The following DEK variants were observed in gnomAD, a reference collection of about 807,000 sequenced individuals.
The protein encoded by DEK is protein DEK.
In DEK, 28 loss-of-function variants were observed where a neutral mutation model predicts 46.8. The ratio of observed to expected loss-of-function variants is 0.60; its 90% confidence interval spans 0.44 to 0.82. DEK has a LOEUF of 0.82. Ranked by LOEUF, DEK falls within the 40% of genes least tolerant of loss-of-function variation. The probability of loss-of-function intolerance (pLI) is 0.00; values close to 1 mark genes in which losing one functional copy is unlikely to be tolerated. For missense variants in DEK, 416 were observed against 430.6 expected (o/e 0.97, Z 0.30); for synonymous variants, 160 against 144.5 (o/e 1.11, Z -0.77).
chr6:18,247,767 G>A (rs1055587259), intron 7 of DEK, among the ~76,000 whole-genome samples: 3 of 152,028 alleles, frequency 2.0e-5, no homozygotes, highest in Non-Finnish European at 2.9e-5. Context: ...TGCCTCCCCG[G>A]TTCAAGCAAT....
intron 7 of DEK, among the ~76,000 whole-genome samples, chr6:18,238,414 A>C (rs1582266485): frequency 6.6e-6 from 1 of 151,882 alleles, no homozygotes; most frequent in East Asian, 2.0e-4. Flanking sequence ...GATTAAAATG[A>C]CAGGCCAGGC....
At chr6:18,248,925 G>A (rs1791240597) in intron 7 of DEK, among the ~76,000 whole-genome samples, 2 of 152,186 alleles carry the variant, frequency 1.3e-5, no homozygotes, top group South Asian at 2.1e-4. Context: ...TATAGAGCAA[G>A]TTCCAACCTT....
At chr6:18,251,589 A>C (rs1791376655) in intron 6 of DEK, among the ~76,000 whole-genome samples, 1 of 152,230 alleles carries the variant, frequency 6.6e-6, no homozygotes, top group Non-Finnish European at 1.5e-5. Context: ...TCTCTATAAG[A>C]AATCGTGAAT....
Position 18,225,686 on chromosome 6 carries a change from T to C in DEK, c.*33A>G. 6.2e-7 allele frequency: 1 copy of C among 1,609,290 alleles called. No homozygotes were observed. The highest frequency in any genetic ancestry group is 8.5e-7 in the Non-Finnish European group (1 of 1,177,064). On this transcript the variant is annotated 3_prime_UTR_variant, in exon 11 of 11. Transcript: ENST00000652689. ...ATGGTATAAATCAGATCTTCAAATC[T>C]ATGGGAACGAGTCATCTTCTCTGTC...
At chr6:18,263,455 T>C (rs1391720028) in intron 2 of DEK, among the ~76,000 whole-genome samples, 1 of 151,820 alleles carries the variant, frequency 6.6e-6, no homozygotes, top group Non-Finnish European at 1.5e-5. Flanking sequence ...AGGCAAAAGA[T>C]GTGTAATGAA....
intron 6 of DEK, among the ~76,000 whole-genome samples, chr6:18,250,050 C>T (rs983825449): frequency 4.5e-4 from 68 of 152,272 alleles, no homozygotes; most frequent in African/African-American, 1.5e-3. Flanking sequence ...CTAGCAAGAC[C>T]CTTCTCAATT....
At chr6:18,256,713 A>T (rs563468737) in intron 4 of DEK, among the ~76,000 whole-genome samples, 1 of 152,350 alleles carries the variant, frequency 6.6e-6, no homozygotes, top group African/African-American at 2.4e-5. Flanking sequence ...AATTTGAACA[A>T]ATTTTCACTG....
chr6:18,258,120 G>A, intron 3 of DEK, 58 bp from the exon 4 acceptor site: 3 of 1,284,076 alleles, frequency 2.3e-6, no homozygotes, highest in South Asian at 1.4e-5. Flanking sequence ...CATTTACAAA[G>A]TTAATTTAAT....
chr6:18,257,965 G>A lies in DEK; in HGVS notation c.345C>T (p.Asn115=). ...AAAAAGGTCTTACAGTGCCTGGCCT[G>A]TTGTAAAGCAGTTTGTGTAGATTTC... The part of the protein sequence containing the change: ...ELRNLHKLLY[N]RPGTVSSLKK... The change falls in exon 4 of 11, where the codon AAC becomes AAT. Residue 115 remains asparagine (N), a synonymous_variant. Transcript: ENST00000652689. The A allele has an allele frequency of 6.2e-7, 1 of 1,607,308 alleles. No homozygotes were observed. Among genetic ancestry groups the A allele is most frequent in the Non-Finnish European group, 8.5e-7 (1 of 1,177,800 alleles).
intron 8 of DEK, 59 bp downstream of exon 8, chr6:18,237,322 C>A: frequency 1.3e-6 from 2 of 1,539,562 alleles, no homozygotes; most frequent in African/African-American, 1.4e-5. Flanking sequence ...ATACTATGTA[C>A]AACATATTAA....
At chr6:18,251,543 G>T (rs1008610923) in intron 6 of DEK, among the ~76,000 whole-genome samples, 1 of 152,224 alleles carries the variant, frequency 6.6e-6, no homozygotes, top group South Asian at 2.1e-4. Context: ...CCAGGAACTT[G>T]AAGTTGGTGG....
At chr6:18,259,605 G>A (rs1054143203) in intron 2 of DEK, among the ~76,000 whole-genome samples, 2 of 151,810 alleles carry the variant, frequency 1.3e-5, no homozygotes, top group Admixed American at 6.6e-5. Flanking sequence ...ATACTAAGAG[G>A]GGATAAATGG....
chr6:18,255,720 T>C lies in DEK; in HGVS notation c.573+11A>G, dbSNP rs776094906. On this transcript the variant is annotated intron_variant, in intron 6 of 10. Coordinates refer to ENST00000652689, the MANE Select transcript of DEK (RefSeq NM_003472.4). ...AACTGATTTATGAAAAAAATAAAAA[T>C]TGATCCTCACTTTGCCAGAAGGCTT... The C allele has an allele frequency of 3.8e-6, 6 of 1,581,824 alleles. No individual in the cohort carries two copies. In the East Asian group the frequency reaches 6.7e-5, roughly 18 times the overall value.
chr6:18,231,230 G>A (rs1343967764), intron 9 of DEK, among the ~76,000 whole-genome samples: 1 of 152,096 alleles, frequency 6.6e-6, no homozygotes, highest in Non-Finnish European at 1.5e-5. Context: ...TGTGTAGAGG[G>A]AAATTTATAG....
At chr6:18,263,802 C>G in intron 2 of DEK, 41 bp downstream of exon 2, 1 of 1,610,752 alleles carries the variant, frequency 6.2e-7, no homozygotes, top group Admixed American at 1.7e-5. Context: ...AAAAAAACTT[C>G]GGTCTGAAAA....
chr6:18,250,835 T>C (rs1303056484), intron 6 of DEK, among the ~76,000 whole-genome samples: 1 of 152,156 alleles, frequency 6.6e-6, no homozygotes, highest in African/African-American at 2.4e-5. Context: ...TTATACATCC[T>C]GAATTTATGA....
rs781674378 is a variant in DEK, at chr6:18,226,240, G to A, written c.1050C>T (p.Val350=). ...AATCATAAGTAGGATAATTTTCATAGACCTATGTATAGTGAAAAGGAAAAA... is the reference window on the plus strand; with the variant it reads ...AATCATAAGTAGGATAATTTTCATAAACCTATGTATAGTGAAAAGGAAAAA... The part of the protein sequence containing the change: ...EVTMKQICKK[V]YENYPTYDLT... Residue 350 remains valine (V), a splice_region_variant and synonymous_variant, in exon 10 of 11, where the codon GTC becomes GTT. Transcript: ENST00000652689. 5 of 1,349,400 alleles carry A rather than the reference G, an allele frequency of 3.7e-6. No individual in the cohort carries two copies. The African/African-American group carries it at 6.1e-5, about 16-fold the overall frequency. 83.6% of individuals were successfully genotyped at this position (1,349,400 alleles called of 1,614,324 possible).
chr6:18,235,092 A>G (rs556584779), intron 9 of DEK, among the ~76,000 whole-genome samples: 36 of 152,186 alleles, frequency 2.4e-4, no homozygotes, highest in Non-Finnish European at 4.4e-4. Context: ...TAATGATGAT[A>G]TAACTGGGTG....
At chr6:18,226,842 G>A (rs1022795726) in intron 9 of DEK, among the ~76,000 whole-genome samples, 22 of 152,162 alleles carry the variant, frequency 1.4e-4, no homozygotes, top group African/African-American at 5.3e-4. Flanking sequence ...ACTCCATTTT[G>A]TTCTGTACTA....
Sources: allele counts gnomAD v4.1 joint callset (sites outside exome capture counted in the v4.1 genomes callset), GRCh38; gene constraint gnomAD v4.1.1; transcripts MANE v1.5; gene names NCBI Gene and HGNC (gene_info 2026-07-23, HGNC 2026-07-21).